The following EIF2AK1 variants were observed in gnomAD, a reference collection of about 807,000 sequenced individuals.
EIF2AK1 encodes the protein eukaryotic translation initiation factor 2 alpha kinase 1, also known as eukaryotic translation initiation factor 2-alpha kinase 1.
In EIF2AK1, 54 loss-of-function variants were observed where a neutral mutation model predicts 77.9. That is an observed-to-expected ratio of 0.69 (90% CI 0.56 to 0.87). EIF2AK1 has a LOEUF of 0.87. Ranked by LOEUF, EIF2AK1 falls within the 40% of genes least tolerant of loss-of-function variation. EIF2AK1 has a pLI of 0.00. For missense variants in EIF2AK1, 810 were observed against 768.6 expected (o/e 1.05, Z -0.64); for synonymous variants, 314 against 290.5 (o/e 1.08, Z -0.82).
Position 6,027,896 on chromosome 7 carries a change from A to C in EIF2AK1, c.1530+719T>G, listed in dbSNP as rs1464021593. 1 of 447,514 alleles carries C rather than the reference A, an allele frequency of 2.2e-6. No individual in the cohort carries two copies. The highest frequency in any genetic ancestry group is 4.5e-6 in the Non-Finnish European group (1 of 223,834). The allele number at this position is 447,514 out of a possible 1,614,324, so 27.7% of individuals were successfully genotyped here. A position where few individuals can be genotyped will look rare whatever the true frequency, so the allele number is the denominator to read the frequency against. On this transcript the variant is annotated intron_variant, in intron 13 of 14. Transcript: ENST00000199389. This position sits in a 1 kb window ranked among gnomAD's most constrained non-coding sequence, Gnocchi z 4.5. ...CCTGGACAAAGCAAGACCCATCTCTACAAATAATTTTTTTTATTAGCTGGG... is the reference window on the plus strand; with the variant it reads ...CCTGGACAAAGCAAGACCCATCTCTCCAAATAATTTTTTTTATTAGCTGGG...
intron 2 of EIF2AK1, among the ~76,000 whole-genome samples, chr7:6,050,602 CTTT>C (rs576925022): frequency 1.4e-4 from 19 of 132,970 alleles, no homozygotes; most frequent in Non-Finnish European, 1.9e-4. Flanking sequence ...AATTACTTCT[CTTT>C]TTTTTTTTTT....
At chr7:6,051,261 T>G (rs1378724531) in intron 2 of EIF2AK1, among the ~76,000 whole-genome samples, 1 of 150,642 alleles carries the variant, frequency 6.6e-6, no homozygotes, top group African/African-American at 2.4e-5. Context: ...ATGAGGACAT[T>G]TTTTTTTCTT....
intron 2 of EIF2AK1, among the ~76,000 whole-genome samples, chr7:6,053,492 A>G (rs1315198003): frequency 6.6e-6 from 1 of 150,736 alleles, no homozygotes; most frequent in Non-Finnish European, 1.5e-5. Flanking sequence ...CTCCCAAATT[A>G]CAGCTGGGAT....
chr7:6,050,906 A>C (rs1050623637), intron 2 of EIF2AK1, among the ~76,000 whole-genome samples: 1 of 151,992 alleles, frequency 6.6e-6, no homozygotes, highest in Non-Finnish European at 1.5e-5. Flanking sequence ...CCCGGCCTAT[A>C]ATTACTTCTC....
rs919467975 is a variant in EIF2AK1, at chr7:6,059,102, C to G, written c.-19G>C. 7.4e-6 allele frequency: 10 copies of G among 1,359,972 alleles called. No homozygotes were observed. The African/African-American group carries it at 1.5e-4, about 21-fold the overall frequency. The allele number at this position is 1,359,972 out of a possible 1,614,324, so 84.2% of individuals were successfully genotyped here. A position where few individuals can be genotyped will look rare whatever the true frequency, so the allele number is the denominator to read the frequency against. On this transcript the variant is annotated 5_prime_UTR_variant, in exon 1 of 15. Transcript: ENST00000199389. ...CCTGCATCGCCGGCCGCGCGCGGGCCGCAGCCCAGCCCGCCGGCCAGCCCA... is the reference window on the plus strand; with the variant it reads ...CCTGCATCGCCGGCCGCGCGCGGGCGGCAGCCCAGCCCGCCGGCCAGCCCA...
At chr7:6,028,127 C>T in intron 13 of EIF2AK1, 1 of 342,136 alleles carries the variant, frequency 2.9e-6, no homozygotes, top group Non-Finnish European at 5.8e-6. Context: ...GTAAAGTAGG[C>T]AACACAGAGT....
At chr7:6,057,126 C>T (rs1293635761) in intron 1 of EIF2AK1, among the ~76,000 whole-genome samples, 4 of 90,738 alleles carry the variant, frequency 4.4e-5, no homozygotes, top group Non-Finnish European at 6.3e-5. Context: ...GACCCCATCT[C>T]TTTTTTTTTT....
intron 14 of EIF2AK1, 37 bp downstream of exon 14, chr7:6,026,691 C>T (rs1787756668): frequency 6.4e-7 from 1 of 1,568,426 alleles, no homozygotes; most frequent in African/African-American, 1.4e-5. Context: ...ATAAAAACCA[C>T]CTTCACTCCA....
In EIF2AK1 at chr7:6,023,788, T is replaced by TAA; in HGVS notation, c.*884_*885insTT. 1.9e-6 allele frequency: 3 copies of TAA among 1,597,598 alleles called. No individual in the cohort carries two copies. Among genetic ancestry groups the TAA allele is most frequent in the Non-Finnish European group, 2.6e-6 (3 of 1,170,948 alleles). On this transcript the variant is annotated 3_prime_UTR_variant, in exon 15 of 15. Coordinates refer to ENST00000199389, the MANE Select transcript of EIF2AK1 (RefSeq NM_014413.4). ...GACTTGTATTAGAGTCAGAGTCTTT[T>TAA]TATTTAGGCCAGTTGTCAAGTGTCA...
rs749747260 is a variant in EIF2AK1, at chr7:6,056,628, A to ATATATATATATATATATATATATATG, written c.119-1925_119-1924insCATATATATATATATATATATATATA. Among the ~76,000 whole-genome samples, 505 of 75,246 alleles carry ATATATATATATATATATATATATATG rather than the reference A, an allele frequency of 6.7e-3. 6 individuals carry two copies. The highest frequency in any genetic ancestry group is 0.016 in the Middle Eastern group (2 of 128). The allele number at this position is 75,246 out of a possible 152,430, so 49.4% of individuals were successfully genotyped here. A position where few individuals can be genotyped will look rare whatever the true frequency, so the allele number is the denominator to read the frequency against. ...AAAAAAAAAAAATATATATATATAT[A>ATATATATATATATATATATATATATG]TATATATAAACTCTGTCTGGACATT... On this transcript the variant is annotated intron_variant, in intron 1 of 14. Transcript: ENST00000199389.
chr7:6,040,818 G>A lies in EIF2AK1; in HGVS notation c.1119+74C>T, dbSNP rs891697792. On this transcript the variant is annotated intron_variant, in intron 9 of 14. Coordinates refer to ENST00000199389, the MANE Select transcript of EIF2AK1 (RefSeq NM_014413.4). The stretch of plus-strand genomic sequence containing the variant: ...GGGCAGAAGCGCCAGAGCTGAGAGA[G>A]GGCGAGAGAAGGCCACACACCTGCA... 4.9e-6 allele frequency: 6 copies of A among 1,233,082 alleles called. No individual in the cohort carries two copies. The South Asian group carries it at 6.8e-5, about 14-fold the overall frequency. The allele number at this position is 1,233,082 out of a possible 1,614,324, so 76.4% of individuals were successfully genotyped here.
intron 4 of EIF2AK1, 39 bp from the exon 5 acceptor site, chr7:6,047,130 G>A (rs1184449800): frequency 1.3e-6 from 2 of 1,570,792 alleles, no homozygotes; most frequent in Non-Finnish European, 1.8e-6. Context: ...TAAAACATGA[G>A]AGAATCAAAA....
chr7:6,042,683 G>A (rs1314975911), intron 8 of EIF2AK1, among the ~76,000 whole-genome samples: 2 of 151,980 alleles, frequency 1.3e-5, no homozygotes, highest in African/African-American at 4.8e-5. Context: ...TGGCTAACAC[G>A]GTGAAACCCC....
At chr7:6,028,407 G>A (rs1787811541) in intron 13 of EIF2AK1, among the ~76,000 whole-genome samples, 1 of 151,998 alleles carries the variant, frequency 6.6e-6, no homozygotes, top group Admixed American at 6.6e-5. Context: ...ATGTGCCATC[G>A]CACCCAGATA....
chr7:6,051,764 T>C (rs1788613152), intron 2 of EIF2AK1, among the ~76,000 whole-genome samples: 1 of 151,880 alleles, frequency 6.6e-6, no homozygotes, highest in African/African-American at 2.4e-5. Context: ...TCTACAGTTA[T>C]GAAAGCCACA....
Position 6,041,207 on chromosome 7 carries a change from A to G in EIF2AK1, c.804T>C (p.Gly268=). The part of the protein sequence containing the change: ...SDQEEDREQC[G]VKNDESSSSS... ...AGCTGCTACTTTCATCATTTTTAAC[A>G]CCACATTGCTCTCTGAAAAAAAAAA... The change falls in exon 9 of 15, where the codon GGT becomes GGC. Residue 268 remains glycine (G), a synonymous_variant. Coordinates refer to ENST00000199389, the MANE Select transcript of EIF2AK1 (RefSeq NM_014413.4). 1 of 1,596,186 alleles carries G rather than the reference A, an allele frequency of 6.3e-7. No individual in the cohort carries two copies. The highest frequency in any genetic ancestry group is 8.5e-7 in the Non-Finnish European group (1 of 1,175,954).
chr7:6,041,247 A>G, intron 8 of EIF2AK1, 28 bp from the exon 9 acceptor site: 1 of 1,576,576 alleles, frequency 6.3e-7, no homozygotes, highest in African/African-American at 1.4e-5. Flanking sequence ...AGTAAACATA[A>G]AAGTCAATGG....
In EIF2AK1 at chr7:6,036,028, T is replaced by G. The variant is rs759556918; in HGVS notation, c.1332+1396A>C. On this transcript the variant is annotated intron_variant, in intron 11 of 14. Transcript: ENST00000199389. This position sits in a 1 kb window ranked among gnomAD's most constrained non-coding sequence, Gnocchi z 4.6. ...GCAATCATCAATCTCCTGCTTGAATTTGAAGCAAATGTTAACATTTTAACA... is the reference window on the plus strand; with the variant it reads ...GCAATCATCAATCTCCTGCTTGAATGTGAAGCAAATGTTAACATTTTAACA... The G allele has an allele frequency of 2.8e-5, 43 of 1,550,972 alleles. No homozygotes were observed. Among genetic ancestry groups the G allele is most frequent in the Non-Finnish European group, 3.7e-5 (42 of 1,147,130 alleles).
chr7:6,047,192 T>TATC (rs1788471742), intron 4 of EIF2AK1, 101 bp from the exon 5 acceptor site: 4 of 1,180,592 alleles, frequency 3.4e-6, no homozygotes, highest in Non-Finnish European at 5.0e-6. Context: ...AAACCTCATG[T>TATC]ATCACTAAGC....
Sources: allele counts gnomAD v4.1 joint callset (sites outside exome capture counted in the v4.1 genomes callset), GRCh38; gene constraint gnomAD v4.1.1; non-coding constraint Gnocchi (gnomAD v3.1); transcripts MANE v1.5; gene names NCBI Gene and HGNC (gene_info 2026-07-23, HGNC 2026-07-21).